PCDHGB5: variants seen among roughly 807,000 people sequenced by gnomAD.
PCDHGB5 encodes the protein protocadherin gamma subfamily B, 5, also known as protocadherin gamma-B5.
A neutral mutation model predicts 62.9 loss-of-function variants in PCDHGB5; 48 were observed. The ratio of observed to expected loss-of-function variants is 0.76; its 90% CI spans 0.61 to 0.97. PCDHGB5 has a LOEUF of 0.97. PCDHGB5 is among the 50% of genes least tolerant of loss of function. The pLI is 0.00. For synonymous variants in PCDHGB5, 474 were observed against 511.2 expected (o/e 0.93, Z 0.98); for missense variants, 1,118 against 1,198.6 (o/e 0.93, Z 0.99).
At chr5:141,420,215 A>G in intron 1 of PCDHGB5, 2 of 1,612,096 alleles carry the variant, frequency 1.2e-6, no homozygotes, top group South Asian at 1.1e-5. Context: ...CAAAGATAGC[A>G]TGCTACTGGC....
chr5:141,403,856 T>A, intron 1 of PCDHGB5: 1 of 1,613,604 alleles, frequency 6.2e-7, no homozygotes, highest in Non-Finnish European at 8.5e-7. Context: ...TGGGGAAATA[T>A]CAACAGCAAA....
chr5:141,454,798 T>A (rs866302149), intron 1 of PCDHGB5, among the ~76,000 whole-genome samples: 2 of 58,950 alleles, frequency 3.4e-5, no homozygotes, highest in Non-Finnish European at 6.4e-5. Context: ...TGGTTCTAAT[T>A]TTTTTTTTTT....
At chr5:141,415,804 A>C in intron 1 of PCDHGB5, 1 of 1,366,960 alleles carries the variant, frequency 7.3e-7, no homozygotes, top group Non-Finnish European at 9.4e-7. Flanking sequence ...AGTCTCAATC[A>C]AGGCCTATAT....
intron 1 of PCDHGB5, among the ~76,000 whole-genome samples, chr5:141,460,961 A>G (rs113156768): frequency 0.11 from 16,010 of 144,518 alleles, 1,385 homozygotes; most frequent in African/African-American, 0.24. Context: ...GTATATATAT[A>G]TGTGTGTGTG....
At chr5:141,459,315 T>C (rs2154566534) in intron 1 of PCDHGB5, among the ~76,000 whole-genome samples, 1 of 152,362 alleles carries the variant, frequency 6.6e-6, no homozygotes, top group East Asian at 1.9e-4. Context: ...CTATTTTGTA[T>C]CCATCTTCTT....
chr5:141,398,783 A>G lies in PCDHGB5; in HGVS notation c.656A>G (p.His219Arg), dbSNP rs1300541880. Residue 219 changes from histidine (H) to arginine (R), a missense_variant, in exon 1 of 4, where the codon CAT (histidine) becomes CGT (arginine). His to Arg is a conservative substitution (Grantham distance 29). Coordinates refer to ENST00000617380, the MANE Select transcript of PCDHGB5 (RefSeq NM_018925.3). ...GTCCTGACTGCCTTGGACGGTGGACATCCACCCCTAAGCGGCACCACTGAG... is the reference window on the plus strand; with the variant it reads ...GTCCTGACTGCCTTGGACGGTGGACGTCCACCCCTAAGCGGCACCACTGAG... ...RLVLTALDGG[H>R]PPLSGTTELR... 4 of 1,613,944 alleles carry G rather than the reference A, an allele frequency of 2.5e-6. No homozygotes were observed. The highest frequency in any genetic ancestry group is 3.4e-6 in the Non-Finnish European group (4 of 1,179,886).
At chr5:141,420,494 C>T (rs978136090) in intron 1 of PCDHGB5, 6 of 499,392 alleles carry the variant, frequency 1.2e-5, no homozygotes, top group African/African-American at 2.0e-5. Flanking sequence ...GGGTAATCTC[C>T]GGTGACATTT....
At chr5:141,452,046 T>C (rs767493861) in intron 1 of PCDHGB5, among the ~76,000 whole-genome samples, 1 of 152,242 alleles carries the variant, frequency 6.6e-6, no homozygotes, top group Non-Finnish European at 1.5e-5. Context: ...TAACTCCATT[T>C]GTAATAACTT....
At chr5:141,415,686 G>A in intron 1 of PCDHGB5, 2 of 1,535,424 alleles carry the variant, frequency 1.3e-6, no homozygotes, top group Non-Finnish European at 1.8e-6. Context: ...GCGGCATGAT[G>A]GTGGAAAGTG....
chr5:141,436,743 C>A (rs991678215), intron 1 of PCDHGB5, among the ~76,000 whole-genome samples: 3 of 152,158 alleles, frequency 2.0e-5, no homozygotes, highest in Non-Finnish European at 4.4e-5. Flanking sequence ...TTTTTGTGTG[C>A]TTCTCCATAT....
intron 1 of PCDHGB5, among the ~76,000 whole-genome samples, chr5:141,405,996 G>A (rs2094743914): frequency 6.6e-6 from 1 of 151,746 alleles, no homozygotes; most frequent in Non-Finnish European, 1.5e-5. Flanking sequence ...GTAGCTCTCA[G>A]CCTGCATTGA....
rs764658508 is a variant in PCDHGB5 at position 141,431,546 on chromosome 5, G to A, written c.2397+31022G>A. 1.2e-6 allele frequency: 2 copies of A among 1,614,000 alleles called. No homozygotes were observed. Among genetic ancestry groups the A allele is most frequent in the Admixed American group, 3.3e-5 (2 of 60,012 alleles). On this transcript the variant is annotated intron_variant, in intron 1 of 3. Coordinates refer to ENST00000617380, the MANE Select transcript of PCDHGB5 (RefSeq NM_018925.3). This position sits in a 1 kb window ranked among gnomAD's most constrained non-coding sequence, Gnocchi z 4.8. The stretch of plus-strand genomic sequence containing the variant: ...TCTGGCCTTGGGCACGCAGCTGCTT[G>A]TAGTCAACGCTACCGACCCTGACGA...
chr5:141,405,089 G>T, intron 1 of PCDHGB5: 2 of 1,613,878 alleles, frequency 1.2e-6, no homozygotes, highest in South Asian at 2.2e-5. Context: ...CACGCTGCTG[G>T]CCCTCAGGCT....
intron 1 of PCDHGB5, chr5:141,418,417 T>G: frequency 6.2e-7 from 1 of 1,614,002 alleles, no homozygotes; most frequent in Non-Finnish European, 8.5e-7. Flanking sequence ...AAGACAATCC[T>G]GATGGTGGCA....
intron 1 of PCDHGB5, among the ~76,000 whole-genome samples, chr5:141,475,511 A>T (rs1240718716): frequency 6.6e-6 from 1 of 152,240 alleles, no homozygotes; most frequent in African/African-American, 2.4e-5. Context: ...TAATGTCTCC[A>T]CGGAAATGCT....
At chr5:141,467,596 C>G (rs2099147035) in intron 1 of PCDHGB5, among the ~76,000 whole-genome samples, 1 of 152,202 alleles carries the variant, frequency 6.6e-6, no homozygotes, top group South Asian at 2.1e-4. Context: ...ATTTATTAAG[C>G]ACTTCATCTT....
At chr5:141,458,090 G>C (rs1306631184) in intron 1 of PCDHGB5, among the ~76,000 whole-genome samples, 2 of 152,234 alleles carry the variant, frequency 1.3e-5, no homozygotes, top group Non-Finnish European at 1.5e-5. Context: ...CGTAAGTTAA[G>C]AGTACTTACA....
intron 1 of PCDHGB5, chr5:141,421,239 G>A (rs773410079): frequency 6.3e-7 from 1 of 1,599,000 alleles, no homozygotes; most frequent in South Asian, 1.1e-5. Context: ...TGGCGAATCG[G>A]CTACAGCGCG....
At chr5:141,424,700 T>C (rs1359856009) in intron 1 of PCDHGB5, 3 of 152,228 alleles carry the variant, frequency 2.0e-5, no homozygotes, top group African/African-American at 7.2e-5. Context: ...TATTTTTTTG[T>C]TCATTTTCAG....
Sources: gnomAD v4.1 joint callset for allele counts (sites outside exome capture counted in the v4.1 genomes callset) on GRCh38, gnomAD v4.1.1 for gene constraint, Gnocchi (gnomAD v3.1) non-coding constraint, MANE v1.5 for transcripts, NCBI Gene and HGNC (gene_info 2026-07-23, HGNC 2026-07-21) for gene names.